The following SAXO1 variants were observed in gnomAD, a reference collection of about 807,000 sequenced individuals.
SAXO1 encodes the protein stabilizer of axonemal microtubules 1.
In SAXO1, 21 loss-of-function variants were observed where a neutral mutation model predicts 17.5. The observed-to-expected ratio is 1.20, with a 90% CI of 0.85 to 1.72. The LOEUF is 1.72. Among genes scored for constraint, SAXO1 ranks in the 40% most tolerant of loss-of-function variants. The pLI is 0.00. For missense variants in SAXO1, 843 were observed against 596.0 expected (o/e 1.41, Z -4.32); for synonymous variants, 274 against 216.5 (o/e 1.27, Z -2.33).
At chr9:19,042,623 G>C (rs1836103757) in intron 1 of SAXO1, among the ~76,000 whole-genome samples, 1 of 152,186 alleles carries the variant, frequency 6.6e-6, no homozygotes. Flanking sequence ...AGCACTTTGG[G>C]AGGCCAAGGC....
At chr9:19,028,677 G>A (rs1465557171) in intron 1 of SAXO1, among the ~76,000 whole-genome samples, 1 of 152,144 alleles carries the variant, frequency 6.6e-6, no homozygotes, top group Non-Finnish European at 1.5e-5. Context: ...CCAATTGCAA[G>A]ATTTTGATCT....
At chr9:19,020,571 C>G (rs1317236993) in intron 1 of SAXO1, among the ~76,000 whole-genome samples, 1 of 152,120 alleles carries the variant, frequency 6.6e-6, no homozygotes, top group Non-Finnish European at 1.5e-5. Flanking sequence ...GCAGCCCAGG[C>G]TGGTCTTGAA....
intron 1 of SAXO1, among the ~76,000 whole-genome samples, chr9:19,014,140 T>C (rs62560436): frequency 0.065 from 9,955 of 152,018 alleles, 384 homozygotes; most frequent in African/African-American, 0.092. Flanking sequence ...TGTTCTGTAA[T>C]CAATGGAGAA....
intron 1 of SAXO1, among the ~76,000 whole-genome samples, chr9:19,005,254 C>T (rs914447163): frequency 6.6e-5 from 10 of 152,022 alleles, no homozygotes; most frequent in African/African-American, 2.4e-4. Context: ...AATCTGTGGC[C>T]TTTTTGGCAG....
At chr9:18,990,901 A>C (rs1833787041) in intron 1 of SAXO1, among the ~76,000 whole-genome samples, 1 of 152,200 alleles carries the variant, frequency 6.6e-6, no homozygotes, top group East Asian at 1.9e-4. Context: ...CAGGGCTCCC[A>C]TTGATTCTAC....
At chr9:19,004,215 A>G (rs1834399387) in intron 1 of SAXO1, among the ~76,000 whole-genome samples, 1 of 152,254 alleles carries the variant, frequency 6.6e-6, no homozygotes, top group African/African-American at 2.4e-5. Flanking sequence ...AATGGTGTTC[A>G]TTAAAAAGTC....
rs754849347 is a variant in SAXO1 at position 18,928,432 on chromosome 9, T to A, written c.1045A>T (p.Ser349Cys). 24 of 1,608,772 alleles carry A rather than the reference T, an allele frequency of 1.5e-5. No homozygotes were observed. The Admixed American group carries it at 3.9e-4, about 26-fold the overall frequency. Reference protein sequence around the residue: ...TTKDDYKQWSSMRTEPVKPVP... With the variant: ...TTKDDYKQWSCMRTEPVKPVP... ...GGCTTGACTGGCTCTGTGCGCATGC[T>A]GGACCACTGCTTGTAGTCATCCTTG... is the stretch of plus-strand genomic sequence containing the variant. Residue 349 changes from serine (S) to cysteine (C), a missense_variant, in exon 4 of 4, where the codon AGC becomes TGC. By Grantham distance (112) the Ser-to-Cys change is moderately radical. Transcript: ENST00000380534.
chr9:18,953,597 A>T (rs1832126263), intron 1 of SAXO1, among the ~76,000 whole-genome samples: 1 of 152,164 alleles, frequency 6.6e-6, no homozygotes, highest in Non-Finnish European at 1.5e-5. Context: ...GAGTGTGCTC[A>T]TGGAGTCATC....
upstream of SAXO1, among the ~76,000 whole-genome samples, chr9:19,033,418 G>C (rs1835852892): frequency 6.6e-6 from 1 of 152,246 alleles, no homozygotes; most frequent in South Asian, 2.1e-4. Flanking sequence ...GAAAGCTCCT[G>C]GTGCAGTAAA....
intron 1 of SAXO1, chr9:19,027,120 A>G (rs879132602): frequency 1.0e-6 from 1 of 1,004,318 alleles, no homozygotes; most frequent in South Asian, 1.3e-5. Flanking sequence ...TGTCTCCAAC[A>G]TCATCGAGCT....
At chr9:18,999,294 G>T (rs1035231424) in intron 1 of SAXO1, among the ~76,000 whole-genome samples, 1 of 151,498 alleles carries the variant, frequency 6.6e-6, no homozygotes, top group Non-Finnish European at 1.5e-5. Context: ...CCCAGCGACC[G>T]CCCTGTCTGG....
chr9:18,941,891 T>G, intron 2 of SAXO1, 52 bp from the exon 3 acceptor site: 1 of 1,550,260 alleles, frequency 6.5e-7, no homozygotes, highest in Non-Finnish European at 8.9e-7. Context: ...CGATAAGGCT[T>G]ATGTTTTCTG....
intron 1 of SAXO1, among the ~76,000 whole-genome samples, chr9:19,005,318 A>G (rs1271373236): frequency 6.6e-6 from 1 of 152,148 alleles, no homozygotes; most frequent in Admixed American, 6.6e-5. Flanking sequence ...AACAGCTGAA[A>G]TAATCTTGGA....
At chr9:18,973,861 G>GC (rs1336186337) in intron 1 of SAXO1, among the ~76,000 whole-genome samples, 1 of 152,124 alleles carries the variant, frequency 6.6e-6, no homozygotes, top group African/African-American at 2.4e-5. Flanking sequence ...TTCATTTATT[G>GC]CCCACTTATT....
intron 1 of SAXO1, among the ~76,000 whole-genome samples, chr9:18,955,005 T>C (rs1832200220): frequency 6.6e-6 from 1 of 152,034 alleles, no homozygotes; most frequent in African/African-American, 2.4e-5. Flanking sequence ...ATACACGTCA[T>C]TTTTAATTTT....
intron 3 of SAXO1, among the ~76,000 whole-genome samples, chr9:18,941,185 T>C (rs939016351): frequency 6.6e-6 from 1 of 152,202 alleles, no homozygotes; most frequent in African/African-American, 2.4e-5. Context: ...TCCCCCAATA[T>C]AGGATTCAAA....
At chr9:19,045,651 G>A (rs192920266) in intron 1 of SAXO1, among the ~76,000 whole-genome samples, 11 of 152,252 alleles carry the variant, frequency 7.2e-5, no homozygotes, top group African/African-American at 2.4e-4. Context: ...AATCTAACCA[G>A]CCAAAGAGCA....
intron 1 of SAXO1, among the ~76,000 whole-genome samples, chr9:18,997,115 G>A (rs1034343795): frequency 8.5e-5 from 13 of 152,196 alleles, no homozygotes; most frequent in African/African-American, 2.9e-4. Flanking sequence ...GCCGCCCACA[G>A]AGGATGAGCC....
Position 18,928,799 on chromosome 9 carries a change from C to A in SAXO1, c.678G>T (p.Lys226Asn). The A allele has an allele frequency of 6.2e-7, 1 of 1,614,192 alleles. No individual in the cohort carries two copies. Among genetic ancestry groups the A allele is most frequent in the Non-Finnish European group, 8.5e-7 (1 of 1,180,044 alleles). Residue 226 changes from lysine (K) to asparagine (N), a missense_variant, in exon 4 of 4, where the codon AAG becomes AAT. Lys to Asn is a moderately conservative substitution (Grantham distance 94). Coordinates refer to ENST00000380534, the MANE Select transcript of SAXO1 (RefSeq NM_153707.4). ...CAAAGGGGATTTCACAGGGCCTGAA[C>A]TTCTCTGCTTCATGCACAAAGCGCT... ...VEKRFVHEAE[K>N]FRPCEIPFES...
Sources: allele counts gnomAD v4.1 joint callset (sites outside exome capture counted in the v4.1 genomes callset), GRCh38; gene constraint gnomAD v4.1.1; transcripts MANE v1.5; gene names NCBI Gene and HGNC (gene_info 2026-07-23, HGNC 2026-07-21).